The following CASR variants were observed in gnomAD, a reference collection of about 807,000 sequenced individuals.
The protein encoded by CASR is calcium sensing receptor, also known as extracellular calcium-sensing receptor.
CASR carries 23 observed loss-of-function variants against 69.1 expected under a neutral mutation model. That is an observed-to-expected ratio of 0.33 (90% CI 0.24 to 0.47). The LOEUF is 0.47. CASR is among the 20% of genes least tolerant of loss of function. The probability of loss-of-function intolerance (pLI) is 1.00; values close to 1 mark genes in which losing one functional copy is unlikely to be tolerated. For synonymous variants in CASR, 541 were observed against 544.7 expected, an observed-to-expected ratio of 0.99 and a Z score of 0.10; for missense variants, 924 against 1,356.1, an observed-to-expected ratio of 0.68 and a Z score of 5.00.
At chr3:122,222,807 A>G (rs755952786) in intron 1 of CASR, among the ~76,000 whole-genome samples, 1 of 150,216 alleles carries the variant, frequency 6.7e-6, no homozygotes, top group Non-Finnish European at 1.5e-5. Flanking sequence ...AATCAACCAC[A>G]TGCTTGCCCA....
chr3:122,257,572 A>C (rs1177720173), intron 3 of CASR, 185 bp downstream of exon 3: 4 of 570,016 alleles, frequency 7.0e-6, no homozygotes, highest in Non-Finnish European at 1.2e-5. Flanking sequence ...CACAATATCA[A>C]TGATACCTTC....
In CASR at chr3:122,285,092, C is replaced by A. The variant is rs878853977; in HGVS notation, c.3138C>A (p.Asp1046Glu). The A allele has an allele frequency of 6.2e-7, 1 of 1,614,160 alleles. No individual in the cohort carries two copies. Among genetic ancestry groups the A allele is most frequent in the African/African-American group, 1.3e-5 (1 of 75,032 alleles). Residue 1046 changes from aspartate to glutamate, a missense_variant, in exon 7 of 7, where the codon GAC becomes GAA. Around this residue, in one of 8 missense-constraint regions of CASR, gnomAD observed 201 missense variants for 228.8 expected, o/e 0.88. Coordinates refer to ENST00000639785, the MANE Select transcript of CASR (RefSeq NM_000388.4). ...GAGACCAGCGGCCAGAGGTGGAGGA[C>A]CCTGAAGAGTTGTCCCCAGCACTTG... ...VGGDQRPEVEDPEELSPALVV... is the reference protein window; with the variant it reads ...VGGDQRPEVEEPEELSPALVV...
intron 5 of CASR, among the ~76,000 whole-genome samples, chr3:122,280,719 A>C (rs947976653): frequency 3.3e-5 from 5 of 152,128 alleles, no homozygotes; most frequent in African/African-American, 1.2e-4. Flanking sequence ...TCCTTTGTCA[A>C]GCCAGTCATT....
intron 4 of CASR, among the ~76,000 whole-genome samples, chr3:122,272,857 G>T (rs1055813334): frequency 6.6e-6 from 1 of 152,136 alleles, no homozygotes; most frequent in Non-Finnish European, 1.5e-5. Context: ...AATGATTTTT[G>T]ATTGTTTCTC....
At chr3:122,216,156 T>A (rs2074115651) in intron 1 of CASR, among the ~76,000 whole-genome samples, 1 of 152,234 alleles carries the variant, frequency 6.6e-6, no homozygotes, top group Non-Finnish European at 1.5e-5. Flanking sequence ...TGTTTCTTGA[T>A]GGGTACACCT....
intron 1 of CASR, among the ~76,000 whole-genome samples, chr3:122,241,543 C>A (rs2074379449): frequency 6.6e-6 from 1 of 151,986 alleles, no homozygotes. Context: ...AATAAAAAGT[C>A]TCCTAGTAAA....
At chr3:122,194,178 A>C (rs2073865473) in intron 1 of CASR, among the ~76,000 whole-genome samples, 1 of 152,078 alleles carries the variant, frequency 6.6e-6, no homozygotes, top group South Asian at 2.1e-4. Flanking sequence ...CTTATCACCT[A>C]TTCAGGTACC....
intron 4 of CASR, among the ~76,000 whole-genome samples, chr3:122,269,446 G>A (rs2074732418): frequency 6.6e-6 from 1 of 152,160 alleles, no homozygotes; most frequent in South Asian, 2.1e-4. Flanking sequence ...TGTCATCAGT[G>A]CTTTTTCTGT....
rs926307499 is a variant in CASR, at chr3:122,289,115, C to T, written c.*3924C>T. The T allele has an allele frequency of 2.0e-5, 3 of 152,220 alleles. No homozygotes were observed. The highest frequency in any genetic ancestry group is 4.4e-5 in the Non-Finnish European group (3 of 68,046). The allele number at this position is 152,220 out of a possible 1,614,324, so 9.4% of individuals were successfully genotyped here. A position where few individuals can be genotyped will look rare whatever the true frequency, so the allele number is the denominator to read the frequency against. On this transcript the variant is annotated 3_prime_UTR_variant, in exon 7 of 7. Coordinates refer to ENST00000639785, the MANE Select transcript of CASR (RefSeq NM_000388.4). ...CTGGCTGAAATCACATAGCTACGGG[C>T]TGGTTCTGCCCAGCCAGAGCTTCCC...
At chr3:122,249,015 C>T (rs548441130) in intron 1 of CASR, among the ~76,000 whole-genome samples, 12 of 152,360 alleles carry the variant, frequency 7.9e-5, no homozygotes, top group African/African-American at 2.9e-4. Flanking sequence ...GGAGAAGCCT[C>T]TGCCTACAGG....
At position 122,287,399 on chromosome 3, in the gene CASR, CAG is replaced by C. The variant is rs751998416; in HGVS notation, c.*2209_*2210del. ...TAGCAGGCACAACTCAGCACAAAAT[CAG>C]GGGTGTGAAATATGAACTTGCATTG... is the stretch of plus-strand genomic sequence containing the variant. On this transcript the variant is annotated 3_prime_UTR_variant, in exon 7 of 7. Transcript: ENST00000639785. 3 of 152,226 alleles carry C rather than the reference CAG, an allele frequency of 2.0e-5. No individual in the cohort carries two copies. The highest frequency in any genetic ancestry group is 4.8e-5 in the African/African-American group (2 of 41,462). The allele number at this position is 152,226 out of a possible 1,614,324, so 9.4% of individuals were successfully genotyped here. A position where few individuals can be genotyped will look rare whatever the true frequency, so the allele number is the denominator to read the frequency against.
intron 1 of CASR, among the ~76,000 whole-genome samples, chr3:122,234,857 G>C (rs2074314387): frequency 6.6e-6 from 1 of 152,226 alleles, no homozygotes; most frequent in South Asian, 2.1e-4. Context: ...TCTTCTCATA[G>C]AGACAACTGA....
intron 1 of CASR, among the ~76,000 whole-genome samples, chr3:122,240,804 T>A (rs963851577): frequency 1.3e-5 from 2 of 152,182 alleles, no homozygotes; most frequent in Non-Finnish European, 2.9e-5. Flanking sequence ...TCTTAAGGCA[T>A]TCAAAAAATT....
At chr3:122,278,013 G>C (rs2074843086) in intron 5 of CASR, among the ~76,000 whole-genome samples, 1 of 151,932 alleles carries the variant, frequency 6.6e-6, no homozygotes, top group South Asian at 2.1e-4. Context: ...ACAAATCTTA[G>C]GATCTACTCT....
intron 5 of CASR, among the ~76,000 whole-genome samples, chr3:122,281,881 TGTG>T (rs1296586326): frequency 2.5e-5 from 2 of 78,644 alleles, no homozygotes; most frequent in African/African-American, 6.2e-5. Context: ...TGCATGCACA[TGTG>T]TGTGTGTGTG....
At chr3:122,264,184 T>C (rs1260076486) in intron 4 of CASR, among the ~76,000 whole-genome samples, 2 of 150,698 alleles carry the variant, frequency 1.3e-5, no homozygotes, top group Non-Finnish European at 2.9e-5. Context: ...CCTAACCAAA[T>C]TGGCATAAAC....
chr3:122,239,518 T>C (rs1018993539), intron 1 of CASR, among the ~76,000 whole-genome samples: 17 of 152,232 alleles, frequency 1.1e-4, no homozygotes, highest in African/African-American at 4.1e-4. Context: ...AACACAAGCC[T>C]GGTTGGCTTC....
chr3:122,249,929 GA>G (rs1206895861), intron 1 of CASR, among the ~76,000 whole-genome samples: 1 of 152,224 alleles, frequency 6.6e-6, no homozygotes, highest in Non-Finnish European at 1.5e-5. Flanking sequence ...TCTGCTCTAT[GA>G]AAAGCTTAGC....
At chr3:122,241,294 A>G (rs947251057) in intron 1 of CASR, among the ~76,000 whole-genome samples, 2 of 152,132 alleles carry the variant, frequency 1.3e-5, no homozygotes, top group African/African-American at 4.8e-5. Flanking sequence ...TAGCCAGACT[A>G]GGAAAAAATG....
Sources: gnomAD v4.1 joint callset for allele counts (sites outside exome capture counted in the v4.1 genomes callset) on GRCh38, gnomAD v4.1.1 for gene constraint, gnomAD v4.1.1 regional missense constraint, MANE v1.5 for transcripts, NCBI Gene and HGNC (gene_info 2026-07-23, HGNC 2026-07-21) for gene names.